Variants in NOL10 observed in about 807,000 individuals in gnomAD.
NOL10 encodes nucleolar protein 10, also known as H_NH0074G24.1.
A neutral mutation model predicts 103.5 loss-of-function variants in NOL10; 58 were observed. That is an observed-to-expected ratio of 0.56 (90% CI 0.45 to 0.70). NOL10 has a LOEUF of 0.70. Ranked by LOEUF, NOL10 falls within the 30% of genes least tolerant of loss-of-function variation. NOL10 has a pLI of 0.00. For synonymous variants in NOL10, 287 were observed against 282.5 expected, an observed-to-expected ratio of 1.02 and a Z score of -0.16; for missense variants, 763 against 807.3, an observed-to-expected ratio of 0.95 and a Z score of 0.67.
chr2:10,589,483 A>G, intron 18 of NOL10, 95 bp downstream of exon 18: 2 of 1,205,540 alleles, frequency 1.7e-6, no homozygotes, highest in Non-Finnish European at 2.3e-6. Flanking sequence ...GGAATTAATT[A>G]CATCTCAAGT....
At chr2:10,646,627 T>C (rs1199749267) in intron 12 of NOL10, among the ~76,000 whole-genome samples, 1 of 152,166 alleles carries the variant, frequency 6.6e-6, no homozygotes, top group East Asian at 1.9e-4. Flanking sequence ...AAGAAAGCCT[T>C]AGTTCAGCAG....
chr2:10,664,744 C>A (rs1174108977), intron 8 of NOL10, among the ~76,000 whole-genome samples: 1 of 152,168 alleles, frequency 6.6e-6, no homozygotes, highest in Non-Finnish European at 1.5e-5. Context: ...CCATGTTGCC[C>A]AGGCTGGTCT....
intron 20 of NOL10, among the ~76,000 whole-genome samples, chr2:10,576,995 AT>A (rs550210070): frequency 2.2e-3 from 334 of 152,268 alleles, no homozygotes; most frequent in African/African-American, 7.7e-3. Context: ...TGAGAAAAAA[AT>A]TTTTTGAGAA....
At chr2:10,623,811 T>C (rs1321920307) in intron 13 of NOL10, among the ~76,000 whole-genome samples, 1 of 152,114 alleles carries the variant, frequency 6.6e-6, no homozygotes, top group Admixed American at 6.5e-5. Flanking sequence ...CATAAATAAA[T>C]GATATTTGCA....
intron 13 of NOL10, among the ~76,000 whole-genome samples, chr2:10,627,282 T>A (rs1249599066): frequency 2.0e-5 from 3 of 152,176 alleles, no homozygotes; most frequent in Admixed American, 2.0e-4. Context: ...CCATAAGATG[T>A]CTTATCTTTC....
In NOL10 at chr2:10,572,129, A is replaced by C; in HGVS notation, c.2009T>G (p.Leu670Arg). Residue 670 changes from leucine to arginine, a missense_variant, in exon 21 of 21, where the codon CTC (leucine) becomes CGC (arginine). Leu to Arg is a moderately radical substitution (Grantham distance 102). Transcript: ENST00000381685. ...EKLHRQERKRLRRSAGHLKSR... is the reference protein window; with the variant it reads ...EKLHRQERKRRRRSAGHLKSR... ...CTTCAGGTGTCCGGCCGAACGACGG[A>C]GTCTTTTCCTTTCTTGTCGATGCAG... 6.2e-7 allele frequency: 1 copy of C among 1,613,978 alleles called. No homozygotes were observed. Among genetic ancestry groups the C allele is most frequent in the South Asian group, 1.1e-5 (1 of 91,086 alleles).
chr2:10,600,994 T>G (rs1675945646), intron 16 of NOL10, 52 bp from the exon 17 acceptor site: 17 of 1,095,766 alleles, frequency 1.6e-5, no homozygotes, highest in Non-Finnish European at 2.1e-5. Context: ...AGCTAACATA[T>G]TTACATATTA....
chr2:10,644,364 G>A lies in NOL10; in HGVS notation c.982C>T (p.Leu328=). Residue 328 remains leucine (L), a synonymous_variant, in exon 13 of 21, where the codon CTG becomes TTG. Coordinates refer to ENST00000381685, the MANE Select transcript of NOL10 (RefSeq NM_024894.4). The part of the protein sequence containing the change: ...VCLYPNSGML[L]TANETPKMGI... ...ATCTTGGGGGTTTCATTGGCCGTCA[G>A]AAGCATGCCTAAAAATAAATACAAT... 6 of 1,538,654 alleles carry A rather than the reference G, an allele frequency of 3.9e-6. No individual in the cohort carries two copies. The highest frequency in any genetic ancestry group is 4.4e-6 in the Non-Finnish European group (5 of 1,142,734).
chr2:10,619,630 C>CA (rs1380622648), intron 13 of NOL10, among the ~76,000 whole-genome samples: 2 of 120,460 alleles, frequency 1.7e-5, no homozygotes, highest in Non-Finnish European at 3.4e-5. Context: ...CTACAAATGA[C>CA]ATGTTAAATA....
chr2:10,602,829 C>T lies in NOL10; in HGVS notation c.1279G>A (p.Asp427Asn). ...TCTTCTATTTTCTGTCGTATTTTAT[C>T]TTTCCTATATTCTTCATAAGCAAAT... Reference protein sequence around the residue: ...NPFAYEEYRKDKIRQKIEETR... With the variant: ...NPFAYEEYRKNKIRQKIEETR... Residue 427 changes from aspartate (D) to asparagine (N), a missense_variant, in exon 16 of 21, where the codon GAT (aspartate) becomes AAT (asparagine). Transcript: ENST00000381685. The T allele has an allele frequency of 6.2e-7, 1 of 1,611,020 alleles. No individual in the cohort carries two copies. The highest frequency in any genetic ancestry group is 8.5e-7 in the Non-Finnish European group (1 of 1,178,196).
chr2:10,687,100 G>A (rs1682268530), intron 1 of NOL10, among the ~76,000 whole-genome samples: 2 of 140,126 alleles, frequency 1.4e-5, no homozygotes, highest in African/African-American at 4.9e-5. Flanking sequence ...CAGAAGGAGA[G>A]AAGCAATATT....
chr2:10,591,918 G>C lies in NOL10; in HGVS notation c.1423-2167C>G, dbSNP rs138674516. On this transcript the variant is annotated intron_variant, in intron 17 of 20. Coordinates refer to ENST00000381685, the MANE Select transcript of NOL10 (RefSeq NM_024894.4). ...CTTGGAAGGCTGAGGTAGGAGGATC[G>C]CTTGAGCCTGGGAAGTCAGGGCTGC... 3.5e-3 allele frequency among the ~76,000 whole-genome samples: 540 copies of C among 152,224 alleles called. 1 individual carries two copies. The highest frequency in any genetic ancestry group is 5.1e-3 in the Non-Finnish European group (350 of 68,002).
At position 10,577,819 on chromosome 2, in the gene NOL10, G is replaced by C. The variant is rs935508126; in HGVS notation, c.1845-81C>G. ...TTTGAAACAAGTTTTGATTAGAATT[G>C]ATAGCGAAGAAAAATGTTTACACAT... On this transcript the variant is annotated intron_variant, in intron 19 of 20. Coordinates refer to ENST00000381685, the MANE Select transcript of NOL10 (RefSeq NM_024894.4). 9 of 892,938 alleles carry C rather than the reference G, an allele frequency of 1.0e-5. No individual in the cohort carries two copies. In the African/African-American group the frequency reaches 1.5e-4, roughly 15 times the overall value. 55.3% of individuals were successfully genotyped at this position (892,938 alleles called of 1,614,324 possible).
chr2:10,670,060 T>C (rs1287117299), intron 6 of NOL10, among the ~76,000 whole-genome samples: 1 of 151,816 alleles, frequency 6.6e-6, no homozygotes, highest in Admixed American at 6.6e-5. Context: ...AAAAAACTAA[T>C]AATAAAACCA....
intron 19 of NOL10, among the ~76,000 whole-genome samples, chr2:10,587,667 TTTAG>T (rs1404612170): frequency 6.6e-6 from 1 of 152,154 alleles, no homozygotes; most frequent in African/African-American, 2.4e-5. Context: ...TGGACATATC[TTTAG>T]TTAGTTCATC....
chr2:10,662,257 T>C (rs1271093698), intron 9 of NOL10, among the ~76,000 whole-genome samples: 3 of 150,342 alleles, frequency 2.0e-5, no homozygotes, highest in East Asian at 3.9e-4. Context: ...AAGCACTATC[T>C]GTCAGCTACT....
At position 10,607,320 on chromosome 2, in the gene NOL10, G is replaced by A. The variant is rs772908427; in HGVS notation, c.1027-9C>T. On this transcript the variant is annotated splice_polypyrimidine_tract_variant and intron_variant, in intron 13 of 20. Coordinates refer to ENST00000381685, the MANE Select transcript of NOL10 (RefSeq NM_024894.4). ...GGAGCAGGACCCAAAACCTGTTGGT[G>A]TTTATGAGAAGGTCAGCAAAGGCAC... 2 of 1,590,682 alleles carry A rather than the reference G, an allele frequency of 1.3e-6. No homozygotes were observed. Among genetic ancestry groups the A allele is most frequent in the South Asian group, 2.3e-5 (2 of 86,266 alleles).
chr2:10,666,438 C>A (rs917906871), intron 8 of NOL10, among the ~76,000 whole-genome samples: 5 of 152,114 alleles, frequency 3.3e-5, no homozygotes, highest in Non-Finnish European at 5.9e-5. Context: ...CCTCCGCCCC[C>A]CTGCCTCAGC....
At chr2:10,621,958 T>G (rs1174269658) in intron 13 of NOL10, 1 of 423,846 alleles carries the variant, frequency 2.4e-6, no homozygotes, top group Non-Finnish European at 4.8e-6. Flanking sequence ...CTGTGGCGAT[T>G]TAAGTTAAAA....
Sources: gnomAD v4.1 joint callset for allele counts (sites outside exome capture counted in the v4.1 genomes callset) on GRCh38, gnomAD v4.1.1 for gene constraint, MANE v1.5 for transcripts, NCBI Gene and HGNC (gene_info 2026-07-23, HGNC 2026-07-21) for gene names.